Variants in GARIN4 observed in about 807,000 individuals in gnomAD.
GARIN4 encodes the protein Golgi-associated RAB2 interactor protein 4.
the GARIN4 span, chr1:212,624,976 C>T: frequency 8.7e-6 from 14 of 1,614,010 alleles, no homozygotes; most frequent in Middle Eastern, 1.6e-4. Flanking sequence ...GACAACTGTA[C>T]AAGGGGGAGT....
At chr1:212,625,118 C>T in the GARIN4 span, 1 of 1,614,168 alleles carries the variant, frequency 6.2e-7, no homozygotes, top group South Asian at 1.1e-5. Context: ...CCCCATCCTC[C>T]CACTCCCAGA....
chr1:212,625,338 G>C, the GARIN4 span: 2 of 1,614,128 alleles, frequency 1.2e-6, no homozygotes, highest in African/African-American at 2.7e-5. Context: ...CTGCAATTGT[G>C]TCCCGCTCTT....
At chr1:212,626,628 A>G in the GARIN4 span, 2 of 1,611,380 alleles carry the variant, frequency 1.2e-6, no homozygotes, top group South Asian at 1.1e-5. Context: ...ATGACACCGG[A>G]CATCATGGAG....
the GARIN4 span, chr1:212,624,565 T>A: frequency 4.2e-6 from 1 of 240,704 alleles, no homozygotes; most frequent in Admixed American, 5.1e-5. Flanking sequence ...AAATCAGAGG[T>A]GGAGGTCAGG....
chr1:212,625,896 C>T, the GARIN4 span: 62 of 1,614,224 alleles, frequency 3.8e-5, no homozygotes, highest in East Asian at 1.1e-4. Context: ...CCAAACAGCA[C>T]GAAGGTGGCT....
At chr1:212,625,184 C>G in the GARIN4 span, 35 of 1,614,036 alleles carry the variant, frequency 2.2e-5, no homozygotes, top group Non-Finnish European at 2.7e-5. Flanking sequence ...TGGACATGGC[C>G]AGGCCACCAA....
At chr1:212,624,877 C>G in the GARIN4 span, 1 of 1,577,820 alleles carries the variant, frequency 6.3e-7, no homozygotes, top group East Asian at 2.2e-5. Context: ...GAAAGACAAC[C>G]ATGAATGCTG....
the GARIN4 span, chr1:212,625,043 A>G: frequency 1.2e-6 from 2 of 1,614,188 alleles, no homozygotes; most frequent in Non-Finnish European, 1.7e-6. Flanking sequence ...GATCACCAAA[A>G]GGGGAGAAGT....
the GARIN4 span, chr1:212,626,099 C>A: frequency 6.2e-7 from 1 of 1,614,098 alleles, no homozygotes; most frequent in South Asian, 1.1e-5. Context: ...GAGTGGACAG[C>A]ATGGAAGGGA....
chr1:212,625,034 A>T, the GARIN4 span: 1 of 1,614,174 alleles, frequency 6.2e-7, no homozygotes, highest in South Asian at 1.1e-5. Flanking sequence ...CTTTATCCAG[A>T]TCACCAAAAG....
At chr1:212,624,949 C>G in the GARIN4 span, 3 of 1,614,032 alleles carry the variant, frequency 1.9e-6, no homozygotes, top group Non-Finnish European at 2.5e-6. Flanking sequence ...TCAACACCAC[C>G]ATGGGGAAAC....
chr1:212,625,087 C>T, the GARIN4 span: 1 of 1,614,116 alleles, frequency 6.2e-7, no homozygotes, highest in Non-Finnish European at 8.5e-7. Flanking sequence ...GTATGGTGAC[C>T]ATGGGCATTG....
At chr1:212,626,126 G>A in the GARIN4 span, 15 of 1,614,122 alleles carry the variant, frequency 9.3e-6, no homozygotes, top group Admixed American at 1.3e-4. Context: ...CCAGGCCAGC[G>A]CTGAAGGCTG....
chr1:212,624,916 G>C, the GARIN4 span: 3 of 1,612,160 alleles, frequency 1.9e-6, no homozygotes, highest in Non-Finnish European at 2.5e-6. Flanking sequence ...ATACGGCCCA[G>C]AGTGGCTCCA....
the GARIN4 span, chr1:212,625,985 CT>C: frequency 6.2e-7 from 1 of 1,614,244 alleles, no homozygotes; most frequent in African/African-American, 1.3e-5. Context: ...CAGTGTGAGC[CT>C]GGCCATTGCA....
At chr1:212,625,260 G>T in the GARIN4 span, 1 of 1,614,118 alleles carries the variant, frequency 6.2e-7, no homozygotes, top group Non-Finnish European at 8.5e-7. Context: ...AGGTTTGTAC[G>T]GATCTCTGTT....
the GARIN4 span, chr1:212,624,970 A>G: frequency 6.2e-7 from 1 of 1,614,212 alleles, no homozygotes; most frequent in Non-Finnish European, 8.5e-7. Context: ...TGCAGCGACA[A>G]CTGTACAAGG....
chr1:212,625,474 G>A, the GARIN4 span: 110 of 1,614,096 alleles, frequency 6.8e-5, no homozygotes, highest in Non-Finnish European at 8.1e-5. Flanking sequence ...CTGTGTTTCA[G>A]GAAGACAGGA....
At chr1:212,626,734 C>T in the GARIN4 span, 26 of 1,513,046 alleles carry the variant, frequency 1.7e-5, no homozygotes, top group South Asian at 2.7e-5. Context: ...CCTATTCCAG[C>T]GTTCTTTACT....
Sources: allele counts gnomAD v4.1 joint callset, GRCh38; gene constraint gnomAD v4.1.1; transcripts MANE v1.5; gene names NCBI Gene and HGNC (gene_info 2026-07-23, HGNC 2026-07-21).